The following VKORC1L1 variants were observed in gnomAD, a reference collection of about 807,000 sequenced individuals.
The protein encoded by VKORC1L1 is vitamin K epoxide reductase complex subunit 1-like protein 1.
Under a neutral mutation model 18.9 loss-of-function variants are expected in VKORC1L1, and 2 were observed. The ratio of observed to expected loss-of-function variants is 0.11; its 90% CI spans 0.04 to 0.33. VKORC1L1 has a LOEUF of 0.33. Among genes scored for constraint, VKORC1L1 ranks in the 10% least tolerant of loss-of-function variants. The pLI, the probability that VKORC1L1 is intolerant of heterozygous loss-of-function variation, is 1.00. For synonymous variants in VKORC1L1, 96 were observed against 100.0 expected, an observed-to-expected ratio of 0.96 and a Z score of 0.24; for missense variants, 123 against 224.1, an observed-to-expected ratio of 0.55 and a Z score of 2.88.
At chr7:65,945,957 G>A (rs13230071) in intron 1 of VKORC1L1, among the ~76,000 whole-genome samples, 15,289 of 141,752 alleles carry the variant, frequency 0.11, 967 homozygotes, top group Middle Eastern at 0.2. Flanking sequence ...GGGATGAGTA[G>A]GGCTAAGAGG....
rs1274210749 is a variant in VKORC1L1, at chr7:65,875,777, G to A, written c.194+2212G>A. On this transcript the variant is annotated intron_variant, in intron 1 of 2. Coordinates refer to ENST00000360768, the MANE Select transcript of VKORC1L1 (RefSeq NM_173517.6). Reference sequence around the variant, plus strand: ...ACCTCAAGTTAGTTTTTTTTGAGTGGTGATTGCCATGTAGCAGTAGTACTC... The same window carrying A: ...ACCTCAAGTTAGTTTTTTTTGAGTGATGATTGCCATGTAGCAGTAGTACTC... Among the ~76,000 whole-genome samples, 6 of 152,090 alleles carry A rather than the reference G, an allele frequency of 3.9e-5. No homozygotes were observed. The East Asian group carries it at 1.2e-3, about 29-fold the overall frequency.
chr7:65,905,017 A>G (rs1789382301), intron 1 of VKORC1L1, among the ~76,000 whole-genome samples: 1 of 152,190 alleles, frequency 6.6e-6, no homozygotes, highest in Admixed American at 6.5e-5. Context: ...CTGTATGTAT[A>G]TGTATATGTA....
chr7:65,928,394 T>C (rs1789802087), intron 1 of VKORC1L1, among the ~76,000 whole-genome samples: 1 of 151,926 alleles, frequency 6.6e-6, no homozygotes, highest in Non-Finnish European at 1.5e-5. Flanking sequence ...ATAGAACAAT[T>C]CCCTTTTGTA....
chr7:65,890,612 T>C (rs377401455), intron 1 of VKORC1L1, among the ~76,000 whole-genome samples: 9 of 152,218 alleles, frequency 5.9e-5, no homozygotes, highest in African/African-American at 2.2e-4. Flanking sequence ...TTTGCAGCAA[T>C]TATGAATACT....
intron 2 of VKORC1L1, among the ~76,000 whole-genome samples, 166 bp downstream of exon 2, chr7:65,948,946 T>G (rs1790165953): frequency 2.0e-5 from 3 of 152,224 alleles, no homozygotes; most frequent in Non-Finnish European, 4.4e-5. Flanking sequence ...TTTATTATAT[T>G]ATTGTTGAAT....
upstream of VKORC1L1, among the ~76,000 whole-genome samples, chr7:65,871,374 T>G (rs529096485): frequency 2.0e-4 from 30 of 152,268 alleles, no homozygotes. Context: ...TTTTGTATTT[T>G]TAGTAGAGAC....
chr7:65,914,055 GT>G (rs1202681885), intron 1 of VKORC1L1, among the ~76,000 whole-genome samples: 1 of 152,094 alleles, frequency 6.6e-6, no homozygotes, highest in Non-Finnish European at 1.5e-5. Flanking sequence ...AAATAAAAAT[GT>G]GTCTTGAATT....
intron 1 of VKORC1L1, among the ~76,000 whole-genome samples, chr7:65,901,538 C>A (rs1473742010): frequency 6.6e-6 from 1 of 152,166 alleles, no homozygotes; most frequent in Non-Finnish European, 1.5e-5. Context: ...TCACTGAAAG[C>A]TGGGAAACAA....
intron 1 of VKORC1L1, among the ~76,000 whole-genome samples, chr7:65,937,016 A>G (rs754992609): frequency 4.6e-5 from 7 of 152,218 alleles, no homozygotes; most frequent in Non-Finnish European, 1.0e-4. Context: ...CAAGAGGGAA[A>G]AAATAATGAA....
intron 1 of VKORC1L1, among the ~76,000 whole-genome samples, chr7:65,944,197 G>C (rs1395673494): frequency 1.3e-5 from 2 of 150,862 alleles, no homozygotes; most frequent in Non-Finnish European, 3.0e-5. Context: ...TGAAACCCTG[G>C]CTCTACCAAA....
At chr7:65,944,912 G>A (rs757475090) in intron 1 of VKORC1L1, among the ~76,000 whole-genome samples, 13 of 145,166 alleles carry the variant, frequency 9.0e-5, no homozygotes, top group Non-Finnish European at 1.4e-4. Context: ...GTGAGACCCC[G>A]TCTCAAAAAA....
intron 1 of VKORC1L1, among the ~76,000 whole-genome samples, chr7:65,876,844 C>T (rs1161036187): frequency 6.6e-6 from 1 of 152,190 alleles, no homozygotes; most frequent in Non-Finnish European, 1.5e-5. Context: ...TCAGGAGTTT[C>T]AGACCAGCCT....
chr7:65,923,383 CGATA>C (rs1789709693), intron 1 of VKORC1L1, among the ~76,000 whole-genome samples: 1 of 149,882 alleles, frequency 6.7e-6, no homozygotes, highest in South Asian at 2.1e-4. Flanking sequence ...CCAGCCTAGG[CGATA>C]GAGACCCTGT....
At chr7:65,892,148 A>G (rs914632153) in intron 1 of VKORC1L1, among the ~76,000 whole-genome samples, 2 of 152,050 alleles carry the variant, frequency 1.3e-5, no homozygotes, top group African/African-American at 2.4e-5. Flanking sequence ...ACAGTACTGC[A>G]TTGTGTGTAA....
chr7:65,956,775 G>GA lies in VKORC1L1; in HGVS notation c.*2476dup, dbSNP rs558265071. ...AATCACCAGTGTTACAAAATTAGAA[G>GA]ATTGTTTTGCCTGTTTTAGACTGAA... On this transcript the variant is annotated 3_prime_UTR_variant, in exon 3 of 3. Transcript: ENST00000360768. 13 of 152,188 alleles carry GA rather than the reference G, an allele frequency of 8.5e-5. No individual in the cohort carries two copies. The highest frequency in any genetic ancestry group is 1.5e-4 in the Non-Finnish European group (10 of 68,034). The allele number at this position is 152,188 out of a possible 1,614,324, so 9.4% of individuals were successfully genotyped here.
rs148752040 is a variant in VKORC1L1 at position 65,873,434 on chromosome 7, A to T, written c.63A>T (p.Ala21=). 1.1e-5 allele frequency: 17 copies of T among 1,587,666 alleles called. No individual in the cohort carries two copies. The African/African-American group carries it at 2.4e-4, about 22-fold the overall frequency. The change falls in exon 1 of 3, where the codon GCA becomes GCT. Residue 21 remains alanine, a synonymous_variant. Coordinates refer to ENST00000360768, the MANE Select transcript of VKORC1L1 (RefSeq NM_173517.6). The part of the protein sequence containing the change: ...VPRWERVARY[A]VCAAGILLSI... Reference sequence around the variant, plus strand: ...GGTGGGAGCGGGTGGCCCGGTATGCAGTGTGCGCTGCCGGAATCCTGCTCT... The same window carrying T: ...GGTGGGAGCGGGTGGCCCGGTATGCTGTGTGCGCTGCCGGAATCCTGCTCT...
intron 1 of VKORC1L1, among the ~76,000 whole-genome samples, chr7:65,890,975 G>A (rs1296953608): frequency 1.3e-5 from 2 of 152,154 alleles, no homozygotes; most frequent in Non-Finnish European, 2.9e-5. Context: ...GAAAGAAGCT[G>A]CTATTCTAAC....
chr7:65,904,097 T>C (rs1257120366), intron 1 of VKORC1L1, among the ~76,000 whole-genome samples: 2 of 152,148 alleles, frequency 1.3e-5, no homozygotes, highest in African/African-American at 4.8e-5. Context: ...AAAAGATAGT[T>C]GCTTAAAGCA....
chr7:65,919,732 A>G (rs1562995559), intron 1 of VKORC1L1, among the ~76,000 whole-genome samples: 1 of 152,162 alleles, frequency 6.6e-6, no homozygotes, highest in African/African-American at 2.4e-5. Context: ...TCTATTTTCA[A>G]TACTACAGCC....
Sources: gnomAD v4.1 joint callset for allele counts (sites outside exome capture counted in the v4.1 genomes callset) on GRCh38, gnomAD v4.1.1 for gene constraint, MANE v1.5 for transcripts, NCBI Gene and HGNC (gene_info 2026-07-23, HGNC 2026-07-21) for gene names.